The following VPS37B variants were observed in gnomAD, a reference collection of about 807,000 sequenced individuals.
VPS37B encodes vacuolar protein sorting-associated protein 37B.
A neutral mutation model predicts 21.2 loss-of-function variants in VPS37B; 11 were observed. The observed-to-expected ratio is 0.52, with a 90% CI of 0.33 to 0.86. VPS37B has a LOEUF of 0.86. VPS37B is among the 40% of genes least tolerant of loss of function. VPS37B has a pLI of 0.03. For missense variants in VPS37B, 389 were observed against 374.8 expected, an observed-to-expected ratio of 1.04 and a Z score of -0.31; for synonymous variants, 175 against 159.6, an observed-to-expected ratio of 1.10 and a Z score of -0.73.
intron 1 of VPS37B, chr12:122,880,943 G>A (rs1383998060): frequency 6.6e-6 from 1 of 152,216 alleles, no homozygotes; most frequent in Non-Finnish European, 1.5e-5. Context: ...CCCAACTCCA[G>A]GGGGTGCCAT....
intron 1 of VPS37B, chr12:122,872,159 C>G (rs985787970): frequency 1.0e-6 from 1 of 985,544 alleles, no homozygotes; most frequent in East Asian, 1.1e-4. Context: ...TCCCCACCCC[C>G]AGTCATACCC....
chr12:122,895,359 C>T (rs1161076604), intron 1 of VPS37B, among the ~76,000 whole-genome samples: 1 of 151,036 alleles, frequency 6.6e-6, no homozygotes, highest in Non-Finnish European at 1.5e-5. Context: ...CCTATAGCTG[C>T]CTCAGTCCCC....
chr12:122,868,265 G>A lies in VPS37B; in HGVS notation c.366+215C>T, dbSNP rs1459955580. On this transcript the variant is annotated intron_variant, in intron 3 of 3. Coordinates refer to ENST00000267202, the MANE Select transcript of VPS37B (RefSeq NM_024667.3). The surrounding 1 kb of genome is among the most constrained non-coding windows in gnomAD (Gnocchi z 5.5). The stretch of plus-strand genomic sequence containing the variant: ...GCACGCATGCCCTCTCTTGGCCCTC[G>A]CTCGGACCTGCCCTCACTCACCCCG... Among the ~76,000 whole-genome samples the A allele has an allele frequency of 2.0e-5, 3 of 151,924 alleles. No individual in the cohort carries two copies. Among genetic ancestry groups the A allele is most frequent in the Non-Finnish European group, 2.9e-5 (2 of 67,942 alleles).
Position 122,894,756 on chromosome 12 carries a change from T to C in VPS37B, c.111+1196A>G, listed in dbSNP as rs796338163. On this transcript the variant is annotated intron_variant, in intron 1 of 3. Coordinates refer to ENST00000267202, the MANE Select transcript of VPS37B (RefSeq NM_024667.3). ...TGCAAATCTGCAAGGATGAAGTCAGTTACCCGAGAGCAAACCACACCTCAA... is the reference window on the plus strand; with the variant it reads ...TGCAAATCTGCAAGGATGAAGTCAGCTACCCGAGAGCAAACCACACCTCAA... 2.9e-4 allele frequency among the ~76,000 whole-genome samples: 44 copies of C among 152,270 alleles called. 1 individual carries two copies. Among genetic ancestry groups the C allele is most frequent in the African/African-American group, 9.6e-4 (40 of 41,564 alleles).
chr12:122,869,681 T>A (rs1160382295), intron 2 of VPS37B, among the ~76,000 whole-genome samples: 2 of 152,162 alleles, frequency 1.3e-5, no homozygotes, highest in African/African-American at 4.8e-5. Flanking sequence ...GCAATCACAG[T>A]TCACTGTGGC....
chr12:122,887,277 C>T (rs987588596), intron 1 of VPS37B: 1 of 152,188 alleles, frequency 6.6e-6, no homozygotes, highest in Non-Finnish European at 1.5e-5. Context: ...AAACGATCTA[C>T]ATAAATGGCG....
At chr12:122,872,132 G>A in intron 1 of VPS37B, 1 of 985,448 alleles carries the variant, frequency 1.0e-6, no homozygotes, top group Non-Finnish European at 1.2e-6. Flanking sequence ...ATAGATTCCT[G>A]GCCATGCTGC....
intron 1 of VPS37B, among the ~76,000 whole-genome samples, chr12:122,891,940 C>T (rs2034417861): frequency 6.6e-6 from 1 of 152,214 alleles, no homozygotes; most frequent in Non-Finnish European, 1.5e-5. Context: ...GAACAAAGAT[C>T]CCCAATTTGA....
rs1424796112 is a variant in VPS37B, at chr12:122,865,428, C to T, written c.*1688G>A. Reference sequence around the variant, plus strand: ...AGCGACGGCGAGCCCGGCCAGGGGCCGCTTTGCAACTTCAATGCCAAGCTC... The same window carrying T: ...AGCGACGGCGAGCCCGGCCAGGGGCTGCTTTGCAACTTCAATGCCAAGCTC... On this transcript the variant is annotated 3_prime_UTR_variant, in exon 4 of 4. Coordinates refer to ENST00000267202, the MANE Select transcript of VPS37B (RefSeq NM_024667.3). The T allele has an allele frequency of 2.0e-5, 3 of 152,378 alleles. No individual in the cohort carries two copies. Among genetic ancestry groups the T allele is most frequent in the Admixed American group, 6.5e-5 (1 of 15,308 alleles). 9.4% of individuals were successfully genotyped at this position (152,378 alleles called of 1,614,324 possible). A position where few individuals can be genotyped will look rare whatever the true frequency, so the allele number is the denominator to read the frequency against.
intron 1 of VPS37B, among the ~76,000 whole-genome samples, chr12:122,893,811 G>A (rs1469248615): frequency 8.8e-6 from 1 of 113,666 alleles, no homozygotes; most frequent in Non-Finnish European, 1.8e-5. Flanking sequence ...AGGTATGAAG[G>A]TCACTTTTAC....
intron 1 of VPS37B, chr12:122,890,128 C>A (rs1389665632): frequency 3.3e-5 from 5 of 152,148 alleles, no homozygotes. Context: ...GACAAAGTTC[C>A]TTATTCTCTG....
At chr12:122,880,834 T>C (rs149993837) in intron 1 of VPS37B, 1 of 152,370 alleles carries the variant, frequency 6.6e-6, no homozygotes, top group Non-Finnish European at 1.5e-5. Context: ...AGCACCTCTG[T>C]GTGCCAGGCT....
At position 122,885,746 on chromosome 12, in the gene VPS37B, C is replaced by T. The variant is rs568459685; in HGVS notation, c.111+10206G>A. On this transcript the variant is annotated intron_variant, in intron 1 of 3. Transcript: ENST00000267202. ...TCGCCCAGGCTGGAGTGCAGTGGCG[C>T]GATCTCGGCTCACTGCAAGCTCCGC... 1.2e-4 allele frequency: 16 copies of T among 129,914 alleles called. No homozygotes were observed. The East Asian group carries it at 2.3e-3, about 19-fold the overall frequency. 8.0% of individuals were successfully genotyped at this position (129,914 alleles called of 1,614,324 possible).
chr12:122,885,179 T>TA (rs750541825), intron 1 of VPS37B: 2 of 151,850 alleles, frequency 1.3e-5, no homozygotes, highest in Non-Finnish European at 2.9e-5. Flanking sequence ...ATTTCGTAAT[T>TA]AAAAAACTAT....
Position 122,867,058 on chromosome 12 carries a change from T to C in VPS37B, c.*58A>G. ...GAGCGGACCTCCAGCCTCCTTCCCG[T>C]GAGCAGAGCACAACACGCCAGGTGG... On this transcript the variant is annotated 3_prime_UTR_variant, in exon 4 of 4. Coordinates refer to ENST00000267202, the MANE Select transcript of VPS37B (RefSeq NM_024667.3). The surrounding 1 kb of genome is among the most constrained non-coding windows in gnomAD (Gnocchi z 5.5). The C allele has an allele frequency of 6.8e-7, 1 of 1,460,630 alleles. No homozygotes were observed. Among genetic ancestry groups the C allele is most frequent in the Non-Finnish European group, 9.0e-7 (1 of 1,107,152 alleles). The allele number at this position is 1,460,630 out of a possible 1,614,324, so 90.5% of individuals were successfully genotyped here. A position where few individuals can be genotyped will look rare whatever the true frequency, so the allele number is the denominator to read the frequency against.
intron 1 of VPS37B, chr12:122,881,831 C>T (rs747415827): frequency 6.6e-6 from 1 of 152,158 alleles, no homozygotes; most frequent in Non-Finnish European, 1.5e-5. Context: ...ATAGAAGATA[C>T]TTTCAAAAAG....
At chr12:122,893,474 G>GTGGATAC (rs760427322) in intron 1 of VPS37B, among the ~76,000 whole-genome samples, 1 of 151,882 alleles carries the variant, frequency 6.6e-6, no homozygotes, top group Non-Finnish European at 1.5e-5. Context: ...TTGGTCAACA[G>GTGGATAC]TTCATAAAAT....
intron 1 of VPS37B, chr12:122,884,103 C>T (rs1278467698): frequency 6.6e-6 from 1 of 152,198 alleles, no homozygotes; most frequent in Non-Finnish European, 1.5e-5. Context: ...CGGAGCCCTC[C>T]ACTCCACATC....
chr12:122,880,127 G>A (rs1282549572), intron 1 of VPS37B: 1 of 152,094 alleles, frequency 6.6e-6, no homozygotes, highest in African/African-American at 2.4e-5. Context: ...CTTCATAATT[G>A]GGGCCTCAGG....
Sources: allele counts gnomAD v4.1 joint callset (sites outside exome capture counted in the v4.1 genomes callset), GRCh38; gene constraint gnomAD v4.1.1; non-coding constraint Gnocchi (gnomAD v3.1); transcripts MANE v1.5; gene names NCBI Gene and HGNC (gene_info 2026-07-23, HGNC 2026-07-21).